Variants in RAP1GAP observed in about 807,000 individuals in gnomAD.
RAP1GAP encodes RAP1 GTPase activating protein.
RAP1GAP carries 35 observed loss-of-function variants against 87.2 expected under a neutral mutation model. That is an observed-to-expected ratio of 0.40 (90% CI 0.31 to 0.53). The LOEUF is 0.53. Among genes scored for constraint, RAP1GAP ranks in the 20% least tolerant of loss-of-function variants. The pLI is 0.48. For missense variants in RAP1GAP, 734 were observed against 898.9 expected (o/e 0.82, Z 2.35); for synonymous variants, 375 against 363.9 (o/e 1.03, Z -0.35).
intron 1 of RAP1GAP, among the ~76,000 whole-genome samples, chr1:21,665,965 C>G (rs976203746): frequency 2.6e-5 from 4 of 152,254 alleles, no homozygotes; most frequent in African/African-American, 7.2e-5. Flanking sequence ...ATCCCCCAGC[C>G]AGGCTGAGCT....
intron 1 of RAP1GAP, among the ~76,000 whole-genome samples, chr1:21,652,900 C>T (rs938640717): frequency 2.6e-5 from 4 of 152,186 alleles, no homozygotes; most frequent in African/African-American, 9.7e-5. Flanking sequence ...CCCAAGGAGG[C>T]CCCCACAGTC....
intron 17 of RAP1GAP, among the ~76,000 whole-genome samples, chr1:21,607,182 G>A (rs2075233387): frequency 6.6e-6 from 1 of 152,184 alleles, no homozygotes; most frequent in Non-Finnish European, 1.5e-5. Flanking sequence ...TGGCAAAAAG[G>A]CTACCACCTG....
intron 1 of RAP1GAP, among the ~76,000 whole-genome samples, chr1:21,663,557 C>T (rs1194903982): frequency 6.6e-6 from 1 of 152,198 alleles, no homozygotes; most frequent in Non-Finnish European, 1.5e-5. Flanking sequence ...AAGAAGTTCC[C>T]AAGGTCACCC....
rs1193095961 is a variant in RAP1GAP, at chr1:21,606,135, G to A, written c.1359C>T (p.Asn453=). 2 of 1,585,268 alleles carry A rather than the reference G, an allele frequency of 1.3e-6. No individual in the cohort carries two copies. Among genetic ancestry groups the A allele is most frequent in the Admixed American group, 1.8e-5 (1 of 55,164 alleles). Residue 453 remains asparagine, a synonymous_variant, in exon 18 of 25, where the codon AAC becomes AAT. Coordinates refer to ENST00000374765, the MANE Select transcript of RAP1GAP (RefSeq NM_002885.4). ...TCCCGCTGTGGCTGGTGGACACGGT[G>A]TTGGGCTTCTTGTTGCTCAGCCCCA... ...DAMGLSNKKP[N]TVSTSHSGSF...
rs199850351 is a variant in RAP1GAP, at chr1:21,613,617, G to A, written c.474+11C>T. The A allele has an allele frequency of 3.7e-5, 59 of 1,607,636 alleles. 1 individual carries two copies. Among genetic ancestry groups the A allele is most frequent in the African/African-American group, 2.9e-4 (22 of 74,882 alleles). ...GCCAGCCCGGGAAGCTCAGCGGAGC[G>A]GAGACCTCACCTTTGCCATCTGGAC... On this transcript the variant is annotated intron_variant, in intron 9 of 24. Coordinates refer to ENST00000374765, the MANE Select transcript of RAP1GAP (RefSeq NM_002885.4). The surrounding 1 kb of genome is among the most constrained non-coding windows in gnomAD (Gnocchi z 4.7).
At position 21,612,131 on chromosome 1, in the gene RAP1GAP, G is replaced by A. The variant is rs377325489; in HGVS notation, c.529-22C>T. 7.0e-5 allele frequency: 106 copies of A among 1,525,090 alleles called. No homozygotes were observed. In the African/African-American group the frequency reaches 1.4e-3, roughly 20 times the overall value. The allele number at this position is 1,525,090 out of a possible 1,614,324, so 94.5% of individuals were successfully genotyped here. A position where few individuals can be genotyped will look rare whatever the true frequency, so the allele number is the denominator to read the frequency against. Reference sequence around the variant, plus strand: ...AAGCCTGCAGGAGAGGACGCCGGGTGAAGAGGCTGCGTGTGCAAGCTGCCA... The same window carrying A: ...AAGCCTGCAGGAGAGGACGCCGGGTAAAGAGGCTGCGTGTGCAAGCTGCCA... On this transcript the variant is annotated intron_variant, in intron 10 of 24. Coordinates refer to ENST00000374765, the MANE Select transcript of RAP1GAP (RefSeq NM_002885.4).
chr1:21,654,824 C>A (rs555599878), intron 1 of RAP1GAP, among the ~76,000 whole-genome samples: 11 of 147,894 alleles, frequency 7.4e-5, no homozygotes, highest in African/African-American at 2.7e-4. Context: ...AGAGCAAGAC[C>A]CTGTCTTAAA....
At chr1:21,651,564 A>G (rs377101550) in intron 1 of RAP1GAP, 255 of 679,720 alleles carry the variant, frequency 3.8e-4, no homozygotes, top group Non-Finnish European at 5.7e-4. Flanking sequence ...TGGACACGCA[A>G]TGGGAACACA....
At chr1:21,604,935 GGATGGGTGGGT>G (rs2073095765) in intron 18 of RAP1GAP, among the ~76,000 whole-genome samples, 1 of 131,410 alleles carries the variant, frequency 7.6e-6, no homozygotes, top group Admixed American at 7.7e-5. Flanking sequence ...ATGGGTGGGT[GGATGGGTGGGT>G]GGATGGATGA....
In RAP1GAP at chr1:21,608,912, G is replaced by A; in HGVS notation, c.1096C>T (p.Leu366=). ...RKGPEFQEFL[L]TKLINAEYAC... ...TATTCAGCATTGATCAGCTTTGTCA[G>A]CAAAAATTCCTGGAACTCAGGCCCC... The change falls in exon 16 of 25, where the codon CTG becomes TTG. Residue 366 remains leucine (L), a synonymous_variant. Transcript: ENST00000374765. 9 of 1,614,002 alleles carry A rather than the reference G, an allele frequency of 5.6e-6. No homozygotes were observed. Among genetic ancestry groups the A allele is most frequent in the Non-Finnish European group, 7.6e-6 (9 of 1,179,908 alleles).
intron 2 of RAP1GAP, among the ~76,000 whole-genome samples, chr1:21,629,130 T>G (rs1290573816): frequency 6.6e-6 from 1 of 152,126 alleles, no homozygotes; most frequent in Non-Finnish European, 1.5e-5. Context: ...GGGATGGAGC[T>G]GGAATTTAAA....
intron 13 of RAP1GAP, 149 bp downstream of exon 13, chr1:21,611,303 A>C: frequency 8.5e-7 from 1 of 1,176,580 alleles, no homozygotes; most frequent in Middle Eastern, 2.9e-4. Context: ...GTCTCCCCTG[A>C]CCCAACGAGA....
At chr1:21,607,623 T>C (rs938534101) in intron 17 of RAP1GAP, among the ~76,000 whole-genome samples, 1 of 152,112 alleles carries the variant, frequency 6.6e-6, no homozygotes, top group African/African-American at 2.4e-5. Flanking sequence ...GCAGCCTTTG[T>C]ACCAGCAGCC....
At chr1:21,640,014 C>T (rs541519276) in intron 2 of RAP1GAP, among the ~76,000 whole-genome samples, 1 of 152,306 alleles carries the variant, frequency 6.6e-6, no homozygotes, top group East Asian at 1.9e-4. Flanking sequence ...GCCCGCCTCA[C>T]GTGGCCCACG....
At chr1:21,611,860 A>T (rs2078528924) in intron 11 of RAP1GAP, 44 bp from the exon 12 acceptor site, 1 of 1,560,918 alleles carries the variant, frequency 6.4e-7, no homozygotes, top group Non-Finnish European at 8.8e-7. Context: ...GTTCCTGAGA[A>T]GCCCCTGCCC....
intron 5 of RAP1GAP, among the ~76,000 whole-genome samples, chr1:21,618,275 GA>G (rs1391886278): frequency 1.3e-5 from 2 of 152,162 alleles, no homozygotes; most frequent in Non-Finnish European, 2.9e-5. Flanking sequence ...CGGGGTCTGA[GA>G]ATGTACATTC....
chr1:21,638,008 G>T (rs903646074), intron 2 of RAP1GAP, among the ~76,000 whole-genome samples: 1 of 147,338 alleles, frequency 6.8e-6, no homozygotes, highest in East Asian at 2.0e-4. Context: ...AAAATTAGCC[G>T]GGTATGGTGG....
At chr1:21,605,974 C>G (rs1402578492) in intron 18 of RAP1GAP, 92 bp downstream of exon 18, 51 of 1,430,012 alleles carry the variant, frequency 3.6e-5, no homozygotes, top group Non-Finnish European at 4.6e-5. Context: ...AGCAGGGCAA[C>G]AGAGAGAGTT....
chr1:21,659,633 G>GC (rs1244757944), intron 1 of RAP1GAP, among the ~76,000 whole-genome samples: 1 of 152,254 alleles, frequency 6.6e-6, no homozygotes, highest in Non-Finnish European at 1.5e-5. Context: ...CCTGACAACA[G>GC]CCCCGTGAGG....
Sources: gnomAD v4.1 joint callset for allele counts (sites outside exome capture counted in the v4.1 genomes callset) on GRCh38, gnomAD v4.1.1 for gene constraint, Gnocchi (gnomAD v3.1) non-coding constraint, MANE v1.5 for transcripts, NCBI Gene and HGNC (gene_info 2026-07-23, HGNC 2026-07-21) for gene names.